Variants in TMEM161B observed in about 807,000 individuals in gnomAD.
TMEM161B encodes the protein transmembrane protein 161B.
TMEM161B carries 34 observed loss-of-function variants against 61.8 expected under a neutral mutation model. That is an observed-to-expected ratio of 0.55 (90% CI 0.42 to 0.73). The LOEUF is 0.73. TMEM161B is among the 30% of genes least tolerant of loss of function. TMEM161B has a pLI of 0.00. For missense variants in TMEM161B, 456 were observed against 558.5 expected (o/e 0.82, Z 1.85); for synonymous variants, 167 against 192.8 (o/e 0.87, Z 1.11).
intron 1 of TMEM161B, 129 bp downstream of exon 1, chr5:88,268,592 T>C (rs556309242): frequency 6.0e-5 from 79 of 1,316,556 alleles, no homozygotes; most frequent in East Asian, 3.5e-4. Context: ...TGGTGGGTCC[T>C]ACCCAGCAGC....
chr5:88,203,167 A>G (rs1177263941), intron 8 of TMEM161B, 92 bp from the exon 9 acceptor site: 11 of 737,918 alleles, frequency 1.5e-5, no homozygotes, highest in East Asian at 1.1e-4. Flanking sequence ...TGGAGGTAGG[A>G]GCTTATTTGC....
intron 9 of TMEM161B, chr5:88,201,256 TAC>T: frequency 6.6e-6 from 1 of 152,164 alleles, no homozygotes; most frequent in South Asian, 2.1e-4. Context: ...TAATTTAATA[TAC>T]ACACAAGGGA....
chr5:88,216,170 C>T lies in TMEM161B; in HGVS notation c.446+4393G>A, dbSNP rs559324725. Among the ~76,000 whole-genome samples, 9 of 152,188 alleles carry T rather than the reference C, an allele frequency of 5.9e-5. No individual in the cohort carries two copies. In the East Asian group the frequency reaches 1.5e-3, roughly 26 times the overall value. ...CTGAGGCAGGAGGATCACTTGAGCC[C>T]AGGAGCTCAAGGATACAGTGAGTTA... On this transcript the variant is annotated intron_variant, in intron 5 of 11. Transcript: ENST00000296595.
intron 9 of TMEM161B, chr5:88,202,567 A>T (rs1744629559): frequency 5.3e-6 from 1 of 189,046 alleles, no homozygotes; most frequent in African/African-American, 2.4e-5. Context: ...AAATGTTAAC[A>T]ACTGTCAAAC....
At chr5:88,264,627 T>C (rs1756121309) in intron 1 of TMEM161B, among the ~76,000 whole-genome samples, 1 of 152,168 alleles carries the variant, frequency 6.6e-6, no homozygotes, top group Non-Finnish European at 1.5e-5. Flanking sequence ...TAAAGATACA[T>C]GCACACACAC....
intron 1 of TMEM161B, among the ~76,000 whole-genome samples, chr5:88,244,682 T>C (rs1753320902): frequency 6.6e-6 from 1 of 151,434 alleles, no homozygotes; most frequent in Non-Finnish European, 1.5e-5. Flanking sequence ...GTGAAGAATG[T>C]CATTGGCAGT....
intron 7 of TMEM161B, 56 bp downstream of exon 7, chr5:88,206,383 T>C: frequency 7.1e-7 from 1 of 1,401,630 alleles, no homozygotes; most frequent in Non-Finnish European, 9.7e-7. Flanking sequence ...AAATACTGCT[T>C]TATTAAAAAT....
intron 5 of TMEM161B, among the ~76,000 whole-genome samples, chr5:88,216,702 A>G (rs1405986020): frequency 6.6e-6 from 1 of 152,240 alleles, no homozygotes; most frequent in African/African-American, 2.4e-5. Context: ...TTTAAATGGT[A>G]TCCACTTAAC....
intron 1 of TMEM161B, among the ~76,000 whole-genome samples, chr5:88,257,431 TTTG>T (rs1755128108): frequency 6.6e-6 from 1 of 152,120 alleles, no homozygotes; most frequent in African/African-American, 2.4e-5. Flanking sequence ...GCCAAGAAAA[TTTG>T]TTAAGTTAGG....
In TMEM161B at chr5:88,196,429, G is replaced by C. The variant is rs773747182; in HGVS notation, c.1246C>G (p.Leu416Val). Residue 416 changes from leucine to valine, a missense_variant, in exon 12 of 12, where the codon CTA becomes GTA. Physicochemically the swap from Leu to Val is conservative, Grantham distance 32. Coordinates refer to ENST00000296595, the MANE Select transcript of TMEM161B (RefSeq NM_153354.5). Reference protein sequence around the residue: ...SISTLPVDNSLLSNSVYSELP... With the variant: ...SISTLPVDNSVLSNSVYSELP... The stretch of plus-strand genomic sequence containing the variant: ...TCAGAGTAAACAGAATTGGACAGTA[G>C]ACTATTATCCACTGGTAAGGTAGAG... The C allele has an allele frequency of 1.2e-6, 2 of 1,612,918 alleles. No individual in the cohort carries two copies. Among genetic ancestry groups the C allele is most frequent in the African/African-American group, 2.7e-5 (2 of 74,792 alleles).
chr5:88,259,984 T>G (rs1045248172), intron 1 of TMEM161B, among the ~76,000 whole-genome samples: 2 of 152,208 alleles, frequency 1.3e-5, no homozygotes, highest in Non-Finnish European at 2.9e-5. Context: ...AGCTGTGTGA[T>G]TTTGGAGAAG....
At chr5:88,227,051 T>C (rs1750172804) in intron 3 of TMEM161B, among the ~76,000 whole-genome samples, 1 of 152,026 alleles carries the variant, frequency 6.6e-6, no homozygotes, top group Non-Finnish European at 1.5e-5. Context: ...CATCTGGGCA[T>C]GGTGTTGCAT....
At chr5:88,216,600 G>A (rs1747889357) in intron 5 of TMEM161B, among the ~76,000 whole-genome samples, 1 of 152,078 alleles carries the variant, frequency 6.6e-6, no homozygotes, top group African/African-American at 2.4e-5. Flanking sequence ...ACTTTGTTCT[G>A]GCTCTTCTAG....
At chr5:88,246,025 A>T (rs950768079) in intron 1 of TMEM161B, among the ~76,000 whole-genome samples, 7 of 151,848 alleles carry the variant, frequency 4.6e-5, no homozygotes, top group Non-Finnish European at 8.8e-5. Flanking sequence ...AATTAAACAG[A>T]ATGACCCAAA....
At chr5:88,197,920 C>G in intron 10 of TMEM161B, 155 bp from the exon 11 acceptor site, 1 of 498,794 alleles carries the variant, frequency 2.0e-6, no homozygotes, top group Non-Finnish European at 3.4e-6. Flanking sequence ...ATACATGTCC[C>G]CAAAATGACT....
rs1045750108 is a variant in TMEM161B at position 88,261,698 on chromosome 5, A to G, written c.3+7023T>C. Among the ~76,000 whole-genome samples the G allele has an allele frequency of 3.9e-4, 58 of 149,834 alleles. 2 individuals carry two copies. The highest frequency in any genetic ancestry group is 4.5e-5 in the Non-Finnish European group (3 of 67,324). On this transcript the variant is annotated intron_variant, in intron 1 of 11. Transcript: ENST00000296595. ...AAAAAAAAAACAAACAAATTTCACC[A>G]AATGGTACTGAAACAACTAGACATT...
intron 10 of TMEM161B, 182 bp downstream of exon 10, chr5:88,198,794 C>T (rs1373536213): frequency 3.4e-6 from 2 of 586,606 alleles, no homozygotes; most frequent in Non-Finnish European, 5.8e-6. Flanking sequence ...GGAATTAAGA[C>T]CTCACTTGGC....
At chr5:88,266,835 C>G (rs1442779793) in intron 1 of TMEM161B, among the ~76,000 whole-genome samples, 2 of 152,176 alleles carry the variant, frequency 1.3e-5, no homozygotes, top group African/African-American at 4.8e-5. Flanking sequence ...AGATAAAACT[C>G]AGCCAAGATA....
intron 1 of TMEM161B, among the ~76,000 whole-genome samples, chr5:88,265,447 A>G (rs901773169): frequency 3.9e-5 from 6 of 152,186 alleles, no homozygotes; most frequent in African/African-American, 1.2e-4. Context: ...TGCACAGTTC[A>G]CAACAGGGTT....
Sources: allele counts gnomAD v4.1 joint callset (sites outside exome capture counted in the v4.1 genomes callset), GRCh38; gene constraint gnomAD v4.1.1; transcripts MANE v1.5; gene names NCBI Gene and HGNC (gene_info 2026-07-23, HGNC 2026-07-21).